KHDRBS3: variants seen among roughly 807,000 people sequenced by gnomAD.
KHDRBS3 encodes KH RNA binding domain containing, signal transduction associated 3.
A neutral mutation model predicts 45.6 loss-of-function variants in KHDRBS3; 23 were observed. That is an observed-to-expected ratio of 0.50 (90% CI 0.36 to 0.72). The LOEUF is 0.72. Among genes scored for constraint, KHDRBS3 ranks in the 30% least tolerant of loss-of-function variants. KHDRBS3 has a pLI of 0.00. For synonymous variants in KHDRBS3, 162 were observed against 156.5 expected (o/e 1.04, Z -0.26); for missense variants, 352 against 424.8 (o/e 0.83, Z 1.51).
At chr8:135,625,410 C>A in intron 7 of KHDRBS3, 1 of 781,700 alleles carries the variant, frequency 1.3e-6, no homozygotes. Context: ...ACTCAGCTGC[C>A]TCATCGTGCC....
At chr8:135,608,858 C>T (rs1180793953) in intron 7 of KHDRBS3, among the ~76,000 whole-genome samples, 1 of 152,130 alleles carries the variant, frequency 6.6e-6, no homozygotes, top group African/African-American at 2.4e-5. Context: ...AGGCAGTGGA[C>T]ACACAATGGT....
chr8:135,617,596 A>C (rs996871075), intron 7 of KHDRBS3, among the ~76,000 whole-genome samples: 1 of 152,166 alleles, frequency 6.6e-6, no homozygotes, highest in Admixed American at 6.6e-5. Flanking sequence ...CTATTATTAT[A>C]CCATTTTATG....
intron 1 of KHDRBS3, among the ~76,000 whole-genome samples, chr8:135,459,607 A>G (rs1821323679): frequency 6.6e-6 from 1 of 152,196 alleles, no homozygotes; most frequent in Non-Finnish European, 1.5e-5. Flanking sequence ...AATATTCTGG[A>G]CTGTGGACTC....
chr8:135,525,831 G>C (rs186736480), intron 2 of KHDRBS3, among the ~76,000 whole-genome samples: 18 of 152,222 alleles, frequency 1.2e-4, no homozygotes, highest in African/African-American at 4.1e-4. Flanking sequence ...TCATAGTCTA[G>C]TTGATGATGA....
intron 6 of KHDRBS3, among the ~76,000 whole-genome samples, chr8:135,589,839 C>G (rs977885287): frequency 6.6e-6 from 1 of 152,228 alleles, no homozygotes; most frequent in Non-Finnish European, 1.5e-5. Context: ...CCAACTAATT[C>G]TGTGTCGTGC....
intron 1 of KHDRBS3, among the ~76,000 whole-genome samples, chr8:135,511,651 G>A (rs1166030935): frequency 6.6e-6 from 1 of 152,092 alleles, no homozygotes; most frequent in African/African-American, 2.4e-5. Context: ...CGCCTCCTGG[G>A]TTCACGCCAT....
At position 135,572,493 on chromosome 8, in the gene KHDRBS3, T is replaced by G. The variant is rs1335382065; in HGVS notation, c.612-9385T>G. 2.0e-5 allele frequency among the ~76,000 whole-genome samples: 3 copies of G among 152,256 alleles called. No individual in the cohort carries two copies. The East Asian group carries it at 5.8e-4, about 29-fold the overall frequency. ...TTTTTTTTTTAATTGCATTGAAGAT[T>G]GGATGAAACACAGAATAAAGAAAAG... On this transcript the variant is annotated intron_variant, in intron 5 of 8. Transcript: ENST00000355849.
intron 4 of KHDRBS3, among the ~76,000 whole-genome samples, chr8:135,554,098 T>C (rs942690010): frequency 6.6e-6 from 1 of 152,198 alleles, no homozygotes; most frequent in Non-Finnish European, 1.5e-5. Context: ...GTTCAGGTGG[T>C]TAAATTTAGT....
intron 4 of KHDRBS3, chr8:135,549,917 A>T (rs1826502053): frequency 6.6e-6 from 1 of 152,210 alleles, no homozygotes; most frequent in Admixed American, 6.5e-5. Flanking sequence ...TGAAATGGCT[A>T]GTATTTTCTT....
intron 7 of KHDRBS3, among the ~76,000 whole-genome samples, chr8:135,641,350 T>C (rs1420319746): frequency 1.3e-5 from 2 of 152,316 alleles, no homozygotes; most frequent in South Asian, 4.1e-4. Flanking sequence ...AGTTAAACAA[T>C]TGGGAACTGT....
At chr8:135,610,578 T>C (rs1022556692) in intron 7 of KHDRBS3, among the ~76,000 whole-genome samples, 7 of 151,884 alleles carry the variant, frequency 4.6e-5, no homozygotes, top group African/African-American at 1.7e-4. Flanking sequence ...CAAATGTAAA[T>C]ATTTTAAAAC....
intron 1 of KHDRBS3, among the ~76,000 whole-genome samples, chr8:135,506,274 AAC>A (rs1823989895): frequency 6.6e-6 from 1 of 152,194 alleles, no homozygotes. Context: ...GATGATGAAT[AAC>A]ACAGTTTTAC....
At chr8:135,639,589 A>G (rs1364010388) in intron 7 of KHDRBS3, among the ~76,000 whole-genome samples, 2 of 152,158 alleles carry the variant, frequency 1.3e-5, no homozygotes, top group South Asian at 4.1e-4. Flanking sequence ...CTCTAGGCCC[A>G]TTGTATTCAA....
chr8:135,465,904 G>T (rs1586551619), intron 1 of KHDRBS3, among the ~76,000 whole-genome samples: 1 of 152,020 alleles, frequency 6.6e-6, no homozygotes, highest in African/African-American at 2.4e-5. Context: ...CTTACACTTG[G>T]GGTCACTGTT....
chr8:135,633,507 G>C (rs752584721), intron 7 of KHDRBS3, among the ~76,000 whole-genome samples: 2 of 152,200 alleles, frequency 1.3e-5, no homozygotes, highest in Non-Finnish European at 1.5e-5. Context: ...AGAATTTATA[G>C]AAATATAAGC....
intron 4 of KHDRBS3, among the ~76,000 whole-genome samples, chr8:135,554,875 C>T (rs909634695): frequency 3.9e-5 from 6 of 152,104 alleles, no homozygotes; most frequent in Non-Finnish European, 8.8e-5. Flanking sequence ...GAATCTGTCT[C>T]CTCTAAATGT....
intron 6 of KHDRBS3, among the ~76,000 whole-genome samples, chr8:135,603,143 C>T (rs1234342221): frequency 6.6e-6 from 1 of 152,192 alleles, no homozygotes; most frequent in African/African-American, 2.4e-5. Context: ...CAGTGCTTAC[C>T]CTTGACATGG....
chr8:135,517,975 CAG>C (rs1372102792), intron 1 of KHDRBS3, among the ~76,000 whole-genome samples: 2 of 152,072 alleles, frequency 1.3e-5, no homozygotes, highest in African/African-American at 2.4e-5. Context: ...TTTAAAATAA[CAG>C]ATGATCTGAA....
At chr8:135,557,884 A>G (rs1237071073) in intron 5 of KHDRBS3, among the ~76,000 whole-genome samples, 2 of 152,302 alleles carry the variant, frequency 1.3e-5, no homozygotes, top group East Asian at 3.9e-4. Flanking sequence ...ATGTGATGTC[A>G]TATTAAGGGG....
Sources: allele counts gnomAD v4.1 joint callset (sites outside exome capture counted in the v4.1 genomes callset), GRCh38; gene constraint gnomAD v4.1.1; transcripts MANE v1.5; gene names NCBI Gene and HGNC (gene_info 2026-07-23, HGNC 2026-07-21).